Variants in STXBP5L observed in about 807,000 individuals in gnomAD.
STXBP5L encodes the protein syntaxin binding protein 5L.
Under a neutral mutation model 144.5 loss-of-function variants are expected in STXBP5L, and 65 were observed. That is an observed-to-expected ratio of 0.45 (90% CI 0.37 to 0.55). The LOEUF is 0.55. Among genes scored for constraint, STXBP5L ranks in the 20% least tolerant of loss-of-function variants. STXBP5L has a pLI of 0.00. For synonymous variants in STXBP5L, 505 were observed against 469.6 expected, an observed-to-expected ratio of 1.08 and a Z score of -0.97; for missense variants, 1,298 against 1,405.5, an observed-to-expected ratio of 0.92 and a Z score of 1.22.
Position 121,008,437 on chromosome 3 carries a change from C to T in STXBP5L, c.288-33263C>T, listed in dbSNP as rs147323791. Among the ~76,000 whole-genome samples, 82 of 152,082 alleles carry T rather than the reference C, an allele frequency of 5.4e-4. 1 individual carries two copies. In the East Asian group the frequency reaches 0.015, roughly 27 times the overall value. ...TAAATTTATATAGACAGGAAGTGCA[C>T]ATTTCCAAAATAGACATTGAGAATG... On this transcript the variant is annotated intron_variant, in intron 3 of 26. Transcript: ENST00000471454.
chr3:120,988,235 G>T (rs1277514747), intron 3 of STXBP5L, among the ~76,000 whole-genome samples: 1 of 150,532 alleles, frequency 6.6e-6, no homozygotes, highest in South Asian at 2.1e-4. Context: ...TCTGTCTTTT[G>T]TAAGGTTTTA....
chr3:121,117,093 C>G (rs2044261913), intron 6 of STXBP5L, among the ~76,000 whole-genome samples: 1 of 151,860 alleles, frequency 6.6e-6, no homozygotes, highest in African/African-American at 2.4e-5. Context: ...GTGACTTATA[C>G]TTTATTTTAA....
chr3:121,313,800 T>C (rs2108519325), intron 19 of STXBP5L, among the ~76,000 whole-genome samples: 2 of 136,282 alleles, frequency 1.5e-5, no homozygotes, highest in Admixed American at 7.2e-5. Flanking sequence ...ACTTCCCAGA[T>C]GGGGTGGTTG....
chr3:121,345,010 A>G (rs1203456365), intron 20 of STXBP5L, among the ~76,000 whole-genome samples: 1 of 151,544 alleles, frequency 6.6e-6, no homozygotes, highest in Non-Finnish European at 1.5e-5. Context: ...AAGTACAGAA[A>G]GCATATTTTT....
At chr3:121,046,935 G>T (rs576479139) in intron 5 of STXBP5L, among the ~76,000 whole-genome samples, 2 of 151,966 alleles carry the variant, frequency 1.3e-5, no homozygotes, top group East Asian at 1.9e-4. Context: ...AGTTCCTCTA[G>T]GTGTAATGTT....
intron 22 of STXBP5L, among the ~76,000 whole-genome samples, chr3:121,391,711 A>T (rs1306507282): frequency 6.6e-6 from 1 of 152,240 alleles, no homozygotes; most frequent in African/African-American, 2.4e-5. Context: ...TATCACCAGC[A>T]GAAGCTGCAG....
At chr3:121,141,495 T>C (rs912927414) in intron 7 of STXBP5L, among the ~76,000 whole-genome samples, 15 of 152,150 alleles carry the variant, frequency 9.9e-5, no homozygotes, top group African/African-American at 3.4e-4. Context: ...GTACATCACT[T>C]AATTCTATTA....
At chr3:121,043,970 A>G (rs1176793250) in intron 4 of STXBP5L, among the ~76,000 whole-genome samples, 1 of 152,164 alleles carries the variant, frequency 6.6e-6, no homozygotes, top group Non-Finnish European at 1.5e-5. Context: ...AATCAAGTGT[A>G]ACTCATCAAA....
intron 12 of STXBP5L, among the ~76,000 whole-genome samples, chr3:121,238,483 G>T (rs978938598): frequency 1.7e-4 from 26 of 151,884 alleles, no homozygotes; most frequent in African/African-American, 6.0e-4. Flanking sequence ...TCCAACACTG[G>T]GGACTAAATT....
intron 20 of STXBP5L, among the ~76,000 whole-genome samples, chr3:121,368,199 T>C (rs1345889162): frequency 6.6e-6 from 1 of 152,178 alleles, no homozygotes; most frequent in Non-Finnish European, 1.5e-5. Context: ...TCAGACTTGA[T>C]AATATTCACT....
chr3:121,059,715 G>A (rs1030095632), intron 5 of STXBP5L, among the ~76,000 whole-genome samples: 12 of 152,036 alleles, frequency 7.9e-5, no homozygotes, highest in Admixed American at 2.0e-4. Context: ...GTATTCCTAC[G>A]TATTTTATTC....
chr3:121,256,791 TCTC>T (rs1218621755), intron 16 of STXBP5L, among the ~76,000 whole-genome samples: 1 of 151,614 alleles, frequency 6.6e-6, no homozygotes, highest in African/African-American at 2.4e-5. Context: ...ATAATCAACT[TCTC>T]CTTTTATTTT....
intron 14 of STXBP5L, among the ~76,000 whole-genome samples, chr3:121,244,795 A>G (rs2049787514): frequency 6.6e-6 from 1 of 152,138 alleles, no homozygotes; most frequent in Admixed American, 6.5e-5. Flanking sequence ...AAGTGCTGAA[A>G]GAAAAAAAAC....
At chr3:121,352,474 GCTCT>G (rs1338039756) in intron 20 of STXBP5L, among the ~76,000 whole-genome samples, 2 of 151,916 alleles carry the variant, frequency 1.3e-5, no homozygotes, top group Non-Finnish European at 2.9e-5. Context: ...TCATGATTTG[GCTCT>G]CTGTTTGTCT....
intron 20 of STXBP5L, among the ~76,000 whole-genome samples, chr3:121,335,085 G>A (rs1184765849): frequency 6.6e-6 from 1 of 152,132 alleles, no homozygotes; most frequent in East Asian, 1.9e-4. Context: ...AGCTCCTGCA[G>A]CTGATAAACA....
At chr3:121,086,473 T>G (rs187223657) in intron 5 of STXBP5L, among the ~76,000 whole-genome samples, 1 of 152,242 alleles carries the variant, frequency 6.6e-6, no homozygotes, top group Non-Finnish European at 1.5e-5. Flanking sequence ...TTTAAATATT[T>G]AGATACACAA....
intron 3 of STXBP5L, among the ~76,000 whole-genome samples, chr3:121,018,715 T>A (rs966704302): frequency 1.3e-5 from 2 of 152,178 alleles, no homozygotes. Context: ...ATCGGTAACT[T>A]GGATTTTATT....
intron 2 of STXBP5L, among the ~76,000 whole-genome samples, chr3:120,928,907 A>T (rs1709777511): frequency 6.6e-6 from 1 of 152,162 alleles, no homozygotes. Context: ...CACCCAAATG[A>T]GGACATAGGC....
chr3:121,026,945 C>G (rs1576700865), intron 3 of STXBP5L, among the ~76,000 whole-genome samples: 1 of 151,838 alleles, frequency 6.6e-6, no homozygotes, highest in African/African-American at 2.4e-5. Context: ...TTTAGTCAGA[C>G]AAGGGAAGCT....
Sources: allele counts gnomAD v4.1 joint callset (sites outside exome capture counted in the v4.1 genomes callset), GRCh38; gene constraint gnomAD v4.1.1; transcripts MANE v1.5; gene names NCBI Gene and HGNC (gene_info 2026-07-23, HGNC 2026-07-21).